The following ZSWIM2 variants were observed in gnomAD, a reference collection of about 807,000 sequenced individuals.
ZSWIM2 encodes E3 ubiquitin-protein ligase ZSWIM2.
ZSWIM2 carries 38 observed loss-of-function variants against 48.4 expected under a neutral mutation model. The observed-to-expected ratio is 0.79, with a 90% CI of 0.61 to 1.03. The LOEUF (loss-of-function observed/expected upper bound fraction) is 1.03, where lower values mean the gene tolerates loss of function less well. Among genes scored for constraint, ZSWIM2 ranks in the 50% least tolerant of loss-of-function variants. The pLI is 0.00. For synonymous variants in ZSWIM2, 240 were observed against 251.3 expected (o/e 0.96, Z 0.42); for missense variants, 776 against 730.2 (o/e 1.06, Z -0.72).
chr2:186,828,479 A>C lies in ZSWIM2; in HGVS notation c.1407T>G (p.Asn469Lys), dbSNP rs1349810280. ...KDAYENTTIDNLCSIKLDNSN... is the reference protein window; with the variant it reads ...KDAYENTTIDKLCSIKLDNSN... ...AATTATCTAATTTGATAGAGCATAG[A>C]TTATCTATTGTTGTATTTTCATAGG... Residue 469 changes from asparagine (N) to lysine (K), a missense_variant, in exon 9 of 9, where the codon AAT (asparagine) becomes AAG (lysine). By Grantham distance (94) the Asn-to-Lys change is moderately conservative (BLOSUM62 0). Transcript: ENST00000295131. 5.0e-6 allele frequency: 8 copies of C among 1,613,434 alleles called. No homozygotes were observed. The South Asian group carries it at 7.7e-5, about 16-fold the overall frequency.
intron 5 of ZSWIM2, 58 bp downstream of exon 5, chr2:186,837,248 T>C: frequency 6.3e-7 from 1 of 1,584,590 alleles, no homozygotes; most frequent in East Asian, 2.2e-5. Context: ...TGCTCAAAGT[T>C]TCCTGATGTA....
At chr2:186,829,901 A>T in intron 7 of ZSWIM2, 21 bp from the exon 8 acceptor site, 1 of 1,612,708 alleles carries the variant, frequency 6.2e-7, no homozygotes, top group South Asian at 1.1e-5. Context: ...ATAAGCAGAG[A>T]CATGAGTGTT....
intron 4 of ZSWIM2, among the ~76,000 whole-genome samples, chr2:186,838,347 TA>T (rs762167435): frequency 0.028 from 3,880 of 138,514 alleles, 104 homozygotes; most frequent in African/African-American, 0.08. Flanking sequence ...CATTAATGAG[TA>T]AAAAAAAAAA....
intron 3 of ZSWIM2, among the ~76,000 whole-genome samples, chr2:186,843,532 C>G (rs759536128): frequency 2.6e-5 from 4 of 151,238 alleles, no homozygotes; most frequent in African/African-American, 4.8e-5. Context: ...GTAAAACAAG[C>G]AGGATTTGTG....
chr2:186,831,931 G>C (rs915950321), intron 7 of ZSWIM2, among the ~76,000 whole-genome samples: 1 of 151,894 alleles, frequency 6.6e-6, no homozygotes, highest in Admixed American at 6.6e-5. Context: ...GCTAAATGAC[G>C]AGTTAATGGG....
At chr2:186,836,723 C>T (rs1048468437) in intron 5 of ZSWIM2, among the ~76,000 whole-genome samples, 7 of 152,108 alleles carry the variant, frequency 4.6e-5, no homozygotes, top group South Asian at 4.2e-4. Context: ...TATGTTTTAT[C>T]GTGAGAATTG....
chr2:186,831,401 T>C (rs970516035), intron 7 of ZSWIM2, among the ~76,000 whole-genome samples: 3 of 146,890 alleles, frequency 2.0e-5, no homozygotes, highest in Non-Finnish European at 3.0e-5. Flanking sequence ...TAAATATATA[T>C]TATATATATA....
rs1328870523 is a variant in ZSWIM2, at chr2:186,837,410, G to A, written c.639C>T (p.Asn213=). Reference sequence around the variant, plus strand: ...CTGCTGCAGCTACTAGTTTGCTAGAGTTTTTGAATTCCTCCAAAATCAGTT... The same window carrying A: ...CTGCTGCAGCTACTAGTTTGCTAGAATTTTTGAATTCCTCCAAAATCAGTT... ...PLKLILEEFK[N]SSKLVAAAEK... The change falls in exon 5 of 9, where the codon AAC becomes AAT. Residue 213 remains asparagine (N), a synonymous_variant. Transcript: ENST00000295131. 2.5e-6 allele frequency: 4 copies of A among 1,612,824 alleles called. No homozygotes were observed. The highest frequency in any genetic ancestry group is 3.4e-6 in the Non-Finnish European group (4 of 1,179,318).
chr2:186,848,340 A>T (rs1438164655), intron 1 of ZSWIM2, among the ~76,000 whole-genome samples: 2 of 152,200 alleles, frequency 1.3e-5, no homozygotes, highest in Admixed American at 1.3e-4. Context: ...ACTTCACGGC[A>T]CTAACGTAAA....
At chr2:186,831,343 G>A (rs1691695467) in intron 7 of ZSWIM2, among the ~76,000 whole-genome samples, 1 of 151,402 alleles carries the variant, frequency 6.6e-6, no homozygotes. Context: ...ACATATACAT[G>A]TGTATGTATA....
At chr2:186,848,174 G>C (rs559068796) in intron 1 of ZSWIM2, among the ~76,000 whole-genome samples, 11 of 152,164 alleles carry the variant, frequency 7.2e-5, no homozygotes, top group Non-Finnish European at 1.6e-4. Flanking sequence ...TGGTGCATTT[G>C]AGTCGGTGAA....
Position 186,837,718 on chromosome 2 carries a change from T to G in ZSWIM2, c.495-164A>C, listed in dbSNP as rs1297797305. On this transcript the variant is annotated intron_variant, in intron 4 of 8. Transcript: ENST00000295131. ...TTCTGAACTGATTTTCAGCTATAGC[T>G]TGATTACACACACACACTCACTCAT... Among the ~76,000 whole-genome samples, 4 of 150,146 alleles carry G rather than the reference T, an allele frequency of 2.7e-5. No homozygotes were observed. The East Asian group carries it at 7.8e-4, about 29-fold the overall frequency.
chr2:186,833,049 A>C (rs60628990), intron 7 of ZSWIM2, 71 bp downstream of exon 7: 9 of 645,762 alleles, frequency 1.4e-5, no homozygotes, highest in Admixed American at 3.8e-5. Context: ...AATAAATAAA[A>C]CTTATTCAAA....
At position 186,828,088 on chromosome 2, in the gene ZSWIM2, C is replaced by A; in HGVS notation, c.1798G>T (p.Glu600Ter). The A allele has an allele frequency of 2.5e-6, 4 of 1,613,280 alleles. No homozygotes were observed. The highest frequency in any genetic ancestry group is 3.4e-6 in the Non-Finnish European group (4 of 1,179,638). ...LSKRYSNCMG[E>*]ITRKCSHLSR... The stretch of plus-strand genomic sequence containing the variant: ...AGATGACTACATTTTCGTGTAATTT[C>A]CCCCATACAGTTACTATACCTTTTA... The change falls in exon 9 of 9, where the codon GAA becomes TAA. Residue 600 changes from glutamate (E) to a stop codon, truncating the protein, a stop_gained. Coordinates refer to ENST00000295131, the MANE Select transcript of ZSWIM2 (RefSeq NM_182521.3). LOFTEE classifies it low-confidence loss of function (END_TRUNC).
intron 6 of ZSWIM2, 49 bp downstream of exon 6, chr2:186,833,897 C>A (rs768359552): frequency 1.4e-5 from 20 of 1,457,196 alleles, no homozygotes; most frequent in Middle Eastern, 1.7e-4. Context: ...CTTAGCTCTA[C>A]AACAGGACAA....
intron 2 of ZSWIM2, among the ~76,000 whole-genome samples, chr2:186,846,810 CATATATAT>C (rs36111849): frequency 7.0e-6 from 1 of 143,696 alleles, no homozygotes; most frequent in African/African-American, 2.8e-5. Context: ...CACACACACA[CATATATAT>C]ATATATATAA....
At position 186,827,622 on chromosome 2, in the gene ZSWIM2, G is replaced by A. The variant is rs1574135262; in HGVS notation, c.*362C>T. Among the ~76,000 whole-genome samples, 1 of 151,996 alleles carries A rather than the reference G, an allele frequency of 6.6e-6. No individual in the cohort carries two copies. The highest frequency in any genetic ancestry group is 2.1e-4 in the South Asian group (1 of 4,820). Reference sequence around the variant, plus strand: ...GCAAAAAATACAGAAGTACCGGGGAGTAATCCCTGCATGTTATGTGCTACC... The same window carrying A: ...GCAAAAAATACAGAAGTACCGGGGAATAATCCCTGCATGTTATGTGCTACC... On this transcript the variant is annotated 3_prime_UTR_variant, in exon 9 of 9. Transcript: ENST00000295131.
At chr2:186,839,898 C>T (rs1337585363) in intron 3 of ZSWIM2, among the ~76,000 whole-genome samples, 11 of 151,602 alleles carry the variant, frequency 7.3e-5, no homozygotes, top group African/African-American at 2.7e-4. Flanking sequence ...GCTGCTTCCC[C>T]CTTCCATCTC....
intron 5 of ZSWIM2, among the ~76,000 whole-genome samples, chr2:186,836,321 T>C (rs1691792772): frequency 6.6e-6 from 1 of 152,094 alleles, no homozygotes; most frequent in African/African-American, 2.4e-5. Flanking sequence ...TAGCTGAATA[T>C]CCCTTATTAA....
Sources: allele counts gnomAD v4.1 joint callset (sites outside exome capture counted in the v4.1 genomes callset), GRCh38; gene constraint gnomAD v4.1.1; transcripts MANE v1.5; gene names NCBI Gene and HGNC (gene_info 2026-07-23, HGNC 2026-07-21).